The following PGRMC1 variants were observed in gnomAD, a reference collection of about 807,000 sequenced individuals.
The protein encoded by PGRMC1 is progesterone receptor membrane component 1.
For synonymous variants in PGRMC1, 73 were observed against 77.3 expected (o/e 0.94, Z 0.29); for missense variants, 145 against 169.0 (o/e 0.86, Z 0.79).
intron 1 of PGRMC1, among the ~76,000 whole-genome samples, chrX:119,239,737 G>A (rs1210312387): frequency 1.8e-5 from 2 of 112,002 alleles, no homozygotes; most frequent in East Asian, 5.6e-4. Context: ...GTTATGTAAT[G>A]TGGATAGATT....
At chrX:119,239,623 C>T (rs1311703030) in intron 1 of PGRMC1, among the ~76,000 whole-genome samples, 1 of 111,735 alleles carries the variant, frequency 8.9e-6, no homozygotes, top group Admixed American at 9.4e-5. Context: ...ATTGATTCAG[C>T]CTCTTTTCCA....
At position 119,244,348 on chromosome X, in the gene PGRMC1, T is replaced by G. The variant is rs992926618; in HGVS notation, c.*1094T>G. 4.4e-5 allele frequency: 5 copies of G among 112,520 alleles called. No individual in the cohort carries two copies. Among genetic ancestry groups the G allele is most frequent in the Middle Eastern group, 4.2e-3 (1 of 238 alleles). The allele number at this position is 112,520 out of a possible 1,213,427, so 9.3% of individuals were successfully genotyped here. A position where few individuals can be genotyped will look rare whatever the true frequency, so the allele number is the denominator to read the frequency against. ...TGAACACCTAGTGAGATTTCAAACT[T>G]GTAATTGTGGTTAAATAGTCATTGT... On this transcript the variant is annotated 3_prime_UTR_variant, in exon 3 of 3. Transcript: ENST00000217971.
At chrX:119,241,045 G>C (rs943597846) in intron 2 of PGRMC1, among the ~76,000 whole-genome samples, 4 of 112,082 alleles carry the variant, frequency 3.6e-5, no homozygotes, top group Non-Finnish European at 7.5e-5. Context: ...GGAGAAATAG[G>C]AATGAGGGGT....
chrX:119,239,952 A>G (rs1186194227), intron 1 of PGRMC1, among the ~76,000 whole-genome samples: 1 of 112,121 alleles, frequency 8.9e-6, no homozygotes, highest in African/African-American at 3.2e-5. Context: ...TGTAGCCCCA[A>G]GTGCCTAGAA....
intron 1 of PGRMC1, among the ~76,000 whole-genome samples, chrX:119,238,625 G>A (rs1930750988): frequency 8.9e-6 from 1 of 112,156 alleles, no homozygotes; most frequent in Non-Finnish European, 1.9e-5. Flanking sequence ...CTGCGTTCTA[G>A]TCCTGATTGG....
intron 1 of PGRMC1, 141 bp from the exon 2 acceptor site, chrX:119,240,168 C>A (rs1930786578): frequency 1.8e-6 from 1 of 553,331 alleles, no homozygotes; most frequent in Admixed American, 2.8e-5. Flanking sequence ...TTCAGAATAT[C>A]AGCATTACTA....
Position 119,243,543 on chromosome X carries a change from A to C in PGRMC1, c.*289A>C, listed in dbSNP as rs1464720997. ...GATGAATTTAAATGTGTTTTTCCTG[A>C]GAGACAAGGAAGACTTGGGTATTTC... is the stretch of plus-strand genomic sequence containing the variant. On this transcript the variant is annotated 3_prime_UTR_variant, in exon 3 of 3. Transcript: ENST00000217971. 1 of 283,486 alleles carries C rather than the reference A, an allele frequency of 3.5e-6. No homozygotes were observed. The allele number at this position is 283,486 out of a possible 1,213,427, so 23.4% of individuals were successfully genotyped here.
chrX:119,239,241 G>A (rs1357151418), intron 1 of PGRMC1, among the ~76,000 whole-genome samples: 1 of 111,860 alleles, frequency 8.9e-6, no homozygotes, highest in East Asian at 2.8e-4. Flanking sequence ...GTGGCAGCAT[G>A]TAATGATGAT....
Position 119,243,679 on chromosome X carries a change from C to T in PGRMC1, c.*425C>T. ...TTTTTTTTCTCAATTGACTTAACTG[C>T]ATGATTTCTGTTTTATCTACCTCTA... is the stretch of plus-strand genomic sequence containing the variant. On this transcript the variant is annotated 3_prime_UTR_variant, in exon 3 of 3. Transcript: ENST00000217971. 5.9e-6 allele frequency: 1 copy of T among 170,297 alleles called. No individual in the cohort carries two copies. Among genetic ancestry groups the T allele is most frequent in the South Asian group, 1.2e-4 (1 of 8,577 alleles). 14.0% of individuals were successfully genotyped at this position (170,297 alleles called of 1,213,427 possible).
intron 1 of PGRMC1, 102 bp downstream of exon 1, chrX:119,236,793 G>A: frequency 1.4e-6 from 1 of 697,860 alleles, no homozygotes; most frequent in Non-Finnish European, 2.1e-6. Flanking sequence ...CCTGAGTGGA[G>A]GGAGGAATGG....
intron 2 of PGRMC1, 73 bp downstream of exon 2, chrX:119,240,537 T>C (rs1930794643): frequency 3.4e-6 from 3 of 893,169 alleles, no homozygotes; most frequent in East Asian, 3.1e-5. Flanking sequence ...ACAATAGTTA[T>C]TACTAAGCAG....
chrX:119,243,015 C>T lies in PGRMC1; in HGVS notation c.485-136C>T, dbSNP rs148537232. The stretch of plus-strand genomic sequence containing the variant: ...TTGGCAAGGACGGTGGTATAAACCA[C>T]CTTTGTATCCTTCAAGAAGCCCAAC... On this transcript the variant is annotated intron_variant, in intron 2 of 2. Coordinates refer to ENST00000217971, the MANE Select transcript of PGRMC1 (RefSeq NM_006667.5). The T allele has an allele frequency of 5.4e-5, 28 of 520,668 alleles. No homozygotes were observed. In the East Asian group the frequency reaches 6.9e-4, roughly 13 times the overall value. The allele number at this position is 520,668 out of a possible 1,213,427, so 42.9% of individuals were successfully genotyped here.
rs970607654 is a variant in PGRMC1, at chrX:119,236,292, C to G, written c.-72C>G. 1 of 1,025,323 alleles carries G rather than the reference C, an allele frequency of 9.8e-7. No individual in the cohort carries two copies. The highest frequency in any genetic ancestry group is 1.9e-5 in the African/African-American group (1 of 53,591). The allele number at this position is 1,025,323 out of a possible 1,213,427, so 84.5% of individuals were successfully genotyped here. On this transcript the variant is annotated 5_prime_UTR_variant, in exon 1 of 3. Coordinates refer to ENST00000217971, the MANE Select transcript of PGRMC1 (RefSeq NM_006667.5). ...CGCCGAACCCCGCGCGCCACTCGCT[C>G]GCTCAGAGGGAGGAGAAAGTGGCGA...
chrX:119,237,788 C>A (rs1371396244), intron 1 of PGRMC1, among the ~76,000 whole-genome samples: 1 of 110,278 alleles, frequency 9.1e-6, no homozygotes, highest in African/African-American at 3.3e-5. Context: ...TCCTTAGAGG[C>A]GAGGTTTTTG....
chrX:119,244,421 A>G lies in PGRMC1; in HGVS notation c.*1167A>G, dbSNP rs1230301751. On this transcript the variant is annotated 3_prime_UTR_variant, in exon 3 of 3. Coordinates refer to ENST00000217971, the MANE Select transcript of PGRMC1 (RefSeq NM_006667.5). The stretch of plus-strand genomic sequence containing the variant: ...ATGATTTTACCTCAAATCAGAAAAC[A>G]AAATGATGTGCTTTGGTCAGTTAAT... 8.8e-6 allele frequency: 1 copy of G among 113,083 alleles called. No homozygotes were observed. The highest frequency in any genetic ancestry group is 1.9e-5 in the Non-Finnish European group (1 of 53,378). 9.3% of individuals were successfully genotyped at this position (113,083 alleles called of 1,213,427 possible).
In PGRMC1 at chrX:119,236,499, G is replaced by T. The variant is rs1444046560; in HGVS notation, c.136G>T (p.Val46Leu). ...GLCIFLLYKI[V>L]RGDQPAASGD... ...CTGCATCTTCCTGCTCTACAAGATC[G>T]TGCGCGGGGACCAGCCGGCGGCCAG... The change falls in exon 1 of 3, where the codon GTG becomes TTG. Residue 46 changes from valine to leucine, a missense_variant. Coordinates refer to ENST00000217971, the MANE Select transcript of PGRMC1 (RefSeq NM_006667.5). 2.5e-6 allele frequency: 3 copies of T among 1,210,333 alleles called. No individual in the cohort carries two copies. In the South Asian group the frequency reaches 5.3e-5, roughly 21 times the overall value.
chrX:119,240,510 T>TG, intron 2 of PGRMC1, 46 bp downstream of exon 2: 1 of 1,041,940 alleles, frequency 9.6e-7, no homozygotes, highest in East Asian at 3.0e-5. Context: ...CTACCAGTAA[T>TG]GGGGATTCGT....
At chrX:119,238,986 C>T (rs1603279952) in intron 1 of PGRMC1, among the ~76,000 whole-genome samples, 1 of 111,772 alleles carries the variant, frequency 8.9e-6, no homozygotes, top group African/African-American at 3.3e-5. Context: ...TTTAATGTTC[C>T]CACTAGAGAA....
chrX:119,243,510 T>C lies in PGRMC1; in HGVS notation c.*256T>C, dbSNP rs1930867844. 7 of 345,815 alleles carry C rather than the reference T, an allele frequency of 2.0e-5. No homozygotes were observed. Among genetic ancestry groups the C allele is most frequent in the Non-Finnish European group, 3.0e-5 (6 of 197,384 alleles). 28.5% of individuals were successfully genotyped at this position (345,815 alleles called of 1,213,427 possible). A position where few individuals can be genotyped will look rare whatever the true frequency, so the allele number is the denominator to read the frequency against. On this transcript the variant is annotated 3_prime_UTR_variant, in exon 3 of 3. Transcript: ENST00000217971. The stretch of plus-strand genomic sequence containing the variant: ...ATACTGTTTTTCTTCTATCTGTAGT[T>C]AGTACAGGATGAATTTAAATGTGTT...
Sources: allele counts gnomAD v4.1 joint callset (sites outside exome capture counted in the v4.1 genomes callset), GRCh38; gene constraint gnomAD v4.1.1; transcripts MANE v1.5; gene names NCBI Gene and HGNC (gene_info 2026-07-23, HGNC 2026-07-21).